TCF12: variants seen among roughly 807,000 people sequenced by gnomAD.
TCF12 encodes DNA-binding protein HTF4.
Under a neutral mutation model 86.0 loss-of-function variants are expected in TCF12, and 45 were observed. The observed-to-expected ratio is 0.52, with a 90% CI of 0.41 to 0.67. TCF12 has a LOEUF of 0.67. Ranked by LOEUF, TCF12 falls within the 30% of genes least tolerant of loss-of-function variation. The pLI, the probability that TCF12 is intolerant of heterozygous loss-of-function variation, is 0.00. For missense variants in TCF12, 881 were observed against 859.9 expected (o/e 1.02, Z -0.31); for synonymous variants, 330 against 299.6 (o/e 1.10, Z -1.05).
intron 6 of TCF12, among the ~76,000 whole-genome samples, chr15:57,182,319 A>G (rs547931967): frequency 4.0e-4 from 61 of 152,300 alleles, no homozygotes; most frequent in African/African-American, 1.4e-3. Context: ...ATATTATTTT[A>G]TTAGTGTTAG....
intron 3 of TCF12, among the ~76,000 whole-genome samples, chr15:56,994,741 T>C (rs2063617004): frequency 6.6e-6 from 1 of 152,034 alleles, no homozygotes; most frequent in Admixed American, 6.6e-5. Context: ...GAAGGTGACA[T>C]AAGGGCATTT....
intron 8 of TCF12, among the ~76,000 whole-genome samples, chr15:57,208,939 C>T (rs1261867333): frequency 1.3e-5 from 2 of 152,124 alleles, no homozygotes; most frequent in African/African-American, 2.4e-5. Flanking sequence ...TGGTCTCAAA[C>T]TCCTGGCCTC....
chr15:57,235,232 A>G (rs913814470), intron 12 of TCF12, among the ~76,000 whole-genome samples: 16 of 152,330 alleles, frequency 1.1e-4, no homozygotes, highest in African/African-American at 3.8e-4. Flanking sequence ...TATTTCAGCT[A>G]TAATTTGAAT....
rs956464752 is a variant in TCF12, at chr15:57,043,568, T to C, written c.149-20182T>C. ...TGATCAGATATGTTGAGCACATTTT[T>C]ATGTACCTATAAAAATATACAAAGA... On this transcript the variant is annotated intron_variant, in intron 3 of 20. Transcript: ENST00000333725. 2.0e-5 allele frequency among the ~76,000 whole-genome samples: 3 copies of C among 152,198 alleles called. No individual in the cohort carries two copies. The East Asian group carries it at 5.8e-4, about 29-fold the overall frequency.
chr15:56,956,994 T>C (rs2061528760), intron 3 of TCF12, among the ~76,000 whole-genome samples: 1 of 152,224 alleles, frequency 6.6e-6, no homozygotes, highest in Non-Finnish European at 1.5e-5. Flanking sequence ...TAAGAGGTCA[T>C]GAGGGCTCTG....
intron 8 of TCF12, among the ~76,000 whole-genome samples, chr15:57,210,834 A>G (rs1468920631): frequency 6.6e-6 from 1 of 152,160 alleles, no homozygotes; most frequent in Non-Finnish European, 1.5e-5. Context: ...CTACATACTC[A>G]CTACAGCCAC....
chr15:57,051,666 T>A (rs1421426647), intron 3 of TCF12, among the ~76,000 whole-genome samples: 1 of 152,192 alleles, frequency 6.6e-6, no homozygotes, highest in African/African-American at 2.4e-5. Context: ...GGCTTTCTGC[T>A]TGTCCAGCCA....
At position 56,933,831 on chromosome 15, in the gene TCF12, T is replaced by G. The variant is rs73411254; in HGVS notation, c.148+12733T>G. On this transcript the variant is annotated intron_variant, in intron 3 of 20. Transcript: ENST00000333725. Reference sequence around the variant, plus strand: ...TGATGGTCAGTTATTGAAGATTAAATCAGGTGACTGAGAGGAACACTAGCC... The same window carrying G: ...TGATGGTCAGTTATTGAAGATTAAAGCAGGTGACTGAGAGGAACACTAGCC... Among the ~76,000 whole-genome samples the G allele has an allele frequency of 2.1e-3, 324 of 152,192 alleles. 1 individual carries two copies. Among genetic ancestry groups the G allele is most frequent in the African/African-American group, 7.6e-3 (315 of 41,550 alleles).
At position 57,207,207 on chromosome 15, in the gene TCF12, A is replaced by G. The variant is rs146927931; in HGVS notation, c.579+9382A>G. Among the ~76,000 whole-genome samples the G allele has an allele frequency of 1.6e-3, 244 of 152,278 alleles. 7 individuals carry two copies. The East Asian group carries it at 0.042, about 26-fold the overall frequency. ...GTGACTGTGAAACCAATTCTTTTGA[A>G]TCATGTGTCATGTTTCTGGTCTAAA... On this transcript the variant is annotated intron_variant, in intron 8 of 20. Transcript: ENST00000333725.
At chr15:57,252,165 C>T (rs1395273885) in intron 14 of TCF12, 3 of 369,522 alleles carry the variant, frequency 8.1e-6, no homozygotes, top group Non-Finnish European at 9.7e-6. Flanking sequence ...ACTAACAAAA[C>T]ATTTTAAATT....
intron 3 of TCF12, among the ~76,000 whole-genome samples, chr15:56,926,606 T>G (rs1166956998): frequency 6.6e-6 from 1 of 152,150 alleles, no homozygotes; most frequent in African/African-American, 2.4e-5. Flanking sequence ...TTTAGCTTGA[T>G]CCAAGGGCCT....
At chr15:57,114,472 T>C (rs2050709048) in intron 5 of TCF12, among the ~76,000 whole-genome samples, 1 of 152,210 alleles carries the variant, frequency 6.6e-6, no homozygotes, top group East Asian at 1.9e-4. Flanking sequence ...TTTATTTTTA[T>C]TTTTTTGTGG....
intron 6 of TCF12, among the ~76,000 whole-genome samples, chr15:57,177,998 G>C (rs1465860102): frequency 1.3e-5 from 2 of 152,116 alleles, no homozygotes; most frequent in African/African-American, 2.4e-5. Flanking sequence ...CTTAGTGCTC[G>C]TTGGAAGCAG....
chr15:57,188,208 T>C (rs1366363059), intron 6 of TCF12, among the ~76,000 whole-genome samples: 5 of 152,160 alleles, frequency 3.3e-5, no homozygotes, highest in South Asian at 4.1e-4. Context: ...TAAGAATTAA[T>C]TTAATTTCTT....
chr15:56,938,414 C>T (rs1458196829), intron 3 of TCF12, among the ~76,000 whole-genome samples: 1 of 152,038 alleles, frequency 6.6e-6, no homozygotes, highest in Non-Finnish European at 1.5e-5. Context: ...CTGCCTCAGC[C>T]TCCCAAAGTG....
chr15:57,103,951 T>C (rs1232216252), intron 5 of TCF12, among the ~76,000 whole-genome samples: 4 of 152,034 alleles, frequency 2.6e-5, no homozygotes, highest in Non-Finnish European at 5.9e-5. Context: ...GAGGTTGCAG[T>C]GAACCAAAAT....
At chr15:57,272,727 A>G (rs779476227) in intron 18 of TCF12, among the ~76,000 whole-genome samples, 1 of 152,238 alleles carries the variant, frequency 6.6e-6, no homozygotes, top group African/African-American at 2.4e-5. Flanking sequence ...GCAAGGTGCT[A>G]AAATATTATG....
chr15:57,276,565 T>C (rs1484906544), intron 19 of TCF12, among the ~76,000 whole-genome samples: 1 of 152,112 alleles, frequency 6.6e-6, no homozygotes, highest in Non-Finnish European at 1.5e-5. Context: ...AATACAGTGA[T>C]TTCTTAAATG....
chr15:57,075,700 A>T (rs1423032714), intron 4 of TCF12, among the ~76,000 whole-genome samples: 1 of 151,966 alleles, frequency 6.6e-6, no homozygotes, highest in Non-Finnish European at 1.5e-5. Flanking sequence ...GAGTTCTCTC[A>T]TTAGACAAAT....
Sources: allele counts gnomAD v4.1 joint callset (sites outside exome capture counted in the v4.1 genomes callset), GRCh38; gene constraint gnomAD v4.1.1; transcripts MANE v1.5; gene names NCBI Gene and HGNC (gene_info 2026-07-23, HGNC 2026-07-21).